The following GLIS3 variants were observed in gnomAD, a reference collection of about 807,000 sequenced individuals.
GLIS3 encodes the protein zinc finger protein GLIS3.
A neutral mutation model predicts 78.6 loss-of-function variants in GLIS3; 53 were observed. The ratio of observed to expected loss-of-function variants is 0.67; its 90% confidence interval spans 0.54 to 0.85. The LOEUF is 0.85. GLIS3 is among the 40% of genes least tolerant of loss of function. GLIS3 has a pLI of 0.00. For synonymous variants in GLIS3, 684 were observed against 509.9 expected, an observed-to-expected ratio of 1.34 and a Z score of -4.60; for missense variants, 1,703 against 1,231.1, an observed-to-expected ratio of 1.38 and a Z score of -5.74.
intron 2 of GLIS3, among the ~76,000 whole-genome samples, chr9:4,323,699 G>A (rs549444688): frequency 6.6e-6 from 1 of 152,274 alleles, no homozygotes; most frequent in Non-Finnish European, 1.5e-5. Flanking sequence ...CACCATAGCA[G>A]CCTCACATCT....
chr9:4,347,732 G>C (rs186297329), intron 1 of GLIS3, among the ~76,000 whole-genome samples: 58 of 151,970 alleles, frequency 3.8e-4, no homozygotes, highest in Non-Finnish European at 7.8e-4. Context: ...TGGTTTTTTT[G>C]AGGTTTTTTT....
intron 4 of GLIS3, among the ~76,000 whole-genome samples, chr9:4,043,347 G>C (rs1025071922): frequency 1.3e-5 from 2 of 152,186 alleles, no homozygotes; most frequent in East Asian, 3.9e-4. Context: ...ATCAGGGTGA[G>C]GTACACTGAG....
rs186456044 is a variant in GLIS3 at position 4,064,302 on chromosome 9, T to A, written c.1710+53466A>T. Among the ~76,000 whole-genome samples, 876 of 152,214 alleles carry A rather than the reference T, an allele frequency of 5.8e-3. 7 individuals are homozygous for A. The highest frequency in any genetic ancestry group is 0.02 in the African/African-American group (820 of 41,532). ...AAAGTATTAGAAAACACAGATTTTTTAAAAATATTAAGCTAAAGAAAACCT... is the reference window on the plus strand; with the variant it reads ...AAAGTATTAGAAAACACAGATTTTTAAAAAATATTAAGCTAAAGAAAACCT... On this transcript the variant is annotated intron_variant, in intron 4 of 10. Transcript: ENST00000381971.
At chr9:4,152,363 A>G (rs550298437) in intron 2 of GLIS3, among the ~76,000 whole-genome samples, 4 of 152,338 alleles carry the variant, frequency 2.6e-5, no homozygotes, top group Admixed American at 1.3e-4. Context: ...TCCCAACTCT[A>G]TAACATCTCA....
intron 4 of GLIS3, among the ~76,000 whole-genome samples, chr9:4,035,491 C>T (rs558639143): frequency 6.6e-6 from 1 of 151,950 alleles, no homozygotes; most frequent in East Asian, 1.9e-4. Flanking sequence ...TGGCCACATT[C>T]TTTAACTTTA....
At chr9:4,432,163 T>A in the GLIS3 span, among the ~76,000 whole-genome samples, 1 of 152,206 alleles carries the variant, frequency 6.6e-6, no homozygotes, top group African/African-American at 2.4e-5. Context: ...TATAATTTCA[T>A]GATGATTATG....
intron 8 of GLIS3, among the ~76,000 whole-genome samples, chr9:3,867,146 T>C (rs6476723): frequency 0.97 from 148,285 of 152,346 alleles, 72,296 homozygotes; most frequent in East Asian, 1. Flanking sequence ...TCTTGATTTT[T>C]CTCCATTATC....
chr9:4,195,594 C>T (rs990084512), intron 2 of GLIS3, among the ~76,000 whole-genome samples: 18 of 152,256 alleles, frequency 1.2e-4, no homozygotes, highest in African/African-American at 2.7e-4. Flanking sequence ...CGGGCTCCCA[C>T]GCGGCCTGAG....
At chr9:3,863,891 G>A (rs1270217912) in intron 8 of GLIS3, among the ~76,000 whole-genome samples, 1 of 152,046 alleles carries the variant, frequency 6.6e-6, no homozygotes, top group Non-Finnish European at 1.5e-5. Flanking sequence ...CTCCCCTGTG[G>A]AAAGAAAAAG....
chr9:3,940,010 A>T (rs1826115993), intron 4 of GLIS3, among the ~76,000 whole-genome samples: 1 of 152,236 alleles, frequency 6.6e-6, no homozygotes, highest in Non-Finnish European at 1.5e-5. Context: ...GGTGCTGTTC[A>T]TTTCTCTAAT....
At chr9:4,354,408 C>T in the GLIS3 span, among the ~76,000 whole-genome samples, 4 of 152,156 alleles carry the variant, frequency 2.6e-5, no homozygotes, top group African/African-American at 9.7e-5. Flanking sequence ...AGAGTCACCT[C>T]CTTGAGTGAG....
intron 2 of GLIS3, among the ~76,000 whole-genome samples, chr9:4,344,616 A>T (rs1490510376): frequency 6.6e-6 from 1 of 152,144 alleles, no homozygotes; most frequent in Non-Finnish European, 1.5e-5. Flanking sequence ...ATAACTCCCA[A>T]ATTTCATTTT....
chr9:4,001,110 A>G (rs892180751), intron 4 of GLIS3, among the ~76,000 whole-genome samples: 2 of 152,116 alleles, frequency 1.3e-5, no homozygotes, highest in African/African-American at 4.8e-5. Flanking sequence ...CCTACTTCCT[A>G]CCCTCAAACA....
intron 2 of GLIS3, among the ~76,000 whole-genome samples, chr9:4,284,365 C>G (rs1237206884): frequency 2.0e-5 from 3 of 152,132 alleles, no homozygotes; most frequent in African/African-American, 7.2e-5. Context: ...TAAAAGCAAG[C>G]TACGGTTCAC....
chr9:4,009,685 A>G (rs1290639445), intron 4 of GLIS3, among the ~76,000 whole-genome samples: 1 of 152,222 alleles, frequency 6.6e-6, no homozygotes, highest in Non-Finnish European at 1.5e-5. Context: ...ACAAGAGGCA[A>G]TAAGGTGCAT....
At chr9:4,280,811 T>A (rs1239513313) in intron 2 of GLIS3, among the ~76,000 whole-genome samples, 1 of 151,800 alleles carries the variant, frequency 6.6e-6, no homozygotes, top group African/African-American at 2.4e-5. Flanking sequence ...TTGTGCAATC[T>A]AGAAGAAGAC....
At chr9:4,051,163 A>G (rs555471917) in intron 4 of GLIS3, among the ~76,000 whole-genome samples, 1 of 152,338 alleles carries the variant, frequency 6.6e-6, no homozygotes, top group South Asian at 2.1e-4. Context: ...ATGAGCCTCA[A>G]ACAAACAGAG....
the GLIS3 span, among the ~76,000 whole-genome samples, chr9:4,468,122 A>C: frequency 0.18 from 28,055 of 152,268 alleles, 2,730 homozygotes; most frequent in Admixed American, 0.22. Flanking sequence ...AAAGCCTCCA[A>C]GAAATATGGG....
At chr9:4,480,939 G>A in the GLIS3 span, among the ~76,000 whole-genome samples, 5 of 151,430 alleles carry the variant, frequency 3.3e-5, no homozygotes, top group Non-Finnish European at 5.9e-5. Context: ...CTGGAGGTCC[G>A]GACCTCGGGG....
Sources: allele counts gnomAD v4.1 joint callset (sites outside exome capture counted in the v4.1 genomes callset), GRCh38; gene constraint gnomAD v4.1.1; transcripts MANE v1.5; gene names NCBI Gene and HGNC (gene_info 2026-07-23, HGNC 2026-07-21).